The following ELAVL3 variants were observed in gnomAD, a reference collection of about 807,000 sequenced individuals.
The protein encoded by ELAVL3 is ELAV like RNA binding protein 3, also known as ELAV-like protein 3.
ELAVL3 carries 8 observed loss-of-function variants against 34.2 expected under a neutral mutation model. The ratio of observed to expected loss-of-function variants is 0.23; its 90% CI spans 0.14 to 0.42. The LOEUF (loss-of-function observed/expected upper bound fraction) is 0.42, where lower values mean the gene tolerates loss of function less well. ELAVL3 is among the 10% of genes least tolerant of loss of function. The probability of loss-of-function intolerance (pLI) is 1.00; values close to 1 mark genes in which losing one functional copy is unlikely to be tolerated. For missense variants in ELAVL3, 273 were observed against 518.8 expected, an observed-to-expected ratio of 0.53 and a Z score of 4.60; for synonymous variants, 209 against 222.1, an observed-to-expected ratio of 0.94 and a Z score of 0.53.
In ELAVL3 at chr19:11,461,395, G is replaced by A. The variant is rs143041834; in HGVS notation, c.334-2784C>T. On this transcript the variant is annotated intron_variant, in intron 3 of 6. Transcript: ENST00000359227. ...GGGTGACCTGTCACCAGGGACTGGGGAAGAGGCTGGGGCGTGGTCATCAGC... is the reference window on the plus strand; with the variant it reads ...GGGTGACCTGTCACCAGGGACTGGGAAAGAGGCTGGGGCGTGGTCATCAGC... Among the ~76,000 whole-genome samples the A allele has an allele frequency of 2.6e-5, 4 of 152,164 alleles. No individual in the cohort carries two copies. In the East Asian group the frequency reaches 7.7e-4, roughly 29 times the overall value.
chr19:11,467,172 C>T (rs1971071289), intron 1 of ELAVL3, among the ~76,000 whole-genome samples: 1 of 152,158 alleles, frequency 6.6e-6, no homozygotes, highest in South Asian at 2.1e-4. Flanking sequence ...CCCCTAATCT[C>T]AGCACTTTGG....
At position 11,454,736 on chromosome 19, in the gene ELAVL3, G is replaced by A. The variant is rs768770817; in HGVS notation, c.894C>T (p.Ser298=). ...AAGGCCCGAACAGCTGCCACAGCAC[G>A]CTCTCGTCTGCCTCCGGTGACAGGT... is the stretch of plus-strand genomic sequence containing the variant. The part of the protein sequence containing the change: ...VYNLSPEADE[S]VLWQLFGPFG... The change falls in exon 7 of 7, where the codon AGC becomes AGT. Residue 298 remains serine, a synonymous_variant. Transcript: ENST00000359227. The surrounding 1 kb of genome is among the most constrained non-coding windows in gnomAD (Gnocchi z 9.2). 1.5e-5 allele frequency: 24 copies of A among 1,614,152 alleles called. No individual in the cohort carries two copies. The highest frequency in any genetic ancestry group is 8.9e-5 in the East Asian group (4 of 44,878).
chr19:11,472,150 A>G (rs1971176257), intron 1 of ELAVL3, among the ~76,000 whole-genome samples: 1 of 152,038 alleles, frequency 6.6e-6, no homozygotes, highest in South Asian at 2.1e-4. Flanking sequence ...GGAGTTTGAG[A>G]CCAGCCTGGC....
chr19:11,474,440 C>CA (rs967926258), intron 1 of ELAVL3, among the ~76,000 whole-genome samples: 3 of 151,980 alleles, frequency 2.0e-5, no homozygotes, highest in African/African-American at 7.2e-5. Context: ...ACTAAAAATA[C>CA]AAAAAAATTA....
chr19:11,463,774 A>G (rs1442926950), intron 3 of ELAVL3, among the ~76,000 whole-genome samples: 1 of 152,060 alleles, frequency 6.6e-6, no homozygotes, highest in African/African-American at 2.4e-5. Context: ...GTTCAAGACC[A>G]TCCTGACCAA....
At chr19:11,455,550 G>A (rs540810851) in intron 6 of ELAVL3, among the ~76,000 whole-genome samples, 1 of 152,214 alleles carries the variant, frequency 6.6e-6, no homozygotes, top group Non-Finnish European at 1.5e-5. Flanking sequence ...ACCTCCCAAA[G>A]TGCTGGGATT....
chr19:11,457,246 G>A, intron 5 of ELAVL3, 98 bp from the exon 6 acceptor site: 2 of 1,284,946 alleles, frequency 1.6e-6, no homozygotes, highest in Non-Finnish European at 2.1e-6. Flanking sequence ...CAACAGGCCT[G>A]CAGCAGAGCC....
At position 11,466,139 on chromosome 19, in the gene ELAVL3, C is replaced by T. The variant is rs747153991; in HGVS notation, c.333+33G>A. ...GTTGGGGACAGTCAGTTGGGGTGGG[C>T]GGTCATGGGGGATTGGAGAAGGAGG... is the stretch of plus-strand genomic sequence containing the variant. On this transcript the variant is annotated intron_variant, in intron 3 of 6. Coordinates refer to ENST00000359227, the MANE Select transcript of ELAVL3 (RefSeq NM_001420.4). This position sits in a 1 kb window ranked among gnomAD's most constrained non-coding sequence, Gnocchi z 5.0. The T allele has an allele frequency of 3.0e-5, 48 of 1,592,804 alleles. No individual in the cohort carries two copies. In the African/African-American group the frequency reaches 5.7e-4, roughly 19 times the overall value.
intron 1 of ELAVL3, among the ~76,000 whole-genome samples, chr19:11,479,029 C>A (rs72992979): frequency 0.02 from 3,047 of 152,318 alleles, 52 homozygotes; most frequent in African/African-American, 0.046. Context: ...TGCCCCAGGG[C>A]TCGCTCACTG....
At chr19:11,463,362 C>T (rs1014457049) in intron 3 of ELAVL3, among the ~76,000 whole-genome samples, 11 of 152,178 alleles carry the variant, frequency 7.2e-5, no homozygotes, top group Non-Finnish European at 1.6e-4. Context: ...AGACAGAAGG[C>T]CATGCAGTGC....
intron 3 of ELAVL3, among the ~76,000 whole-genome samples, chr19:11,464,149 C>CTATATATA (rs1181111341): frequency 4.1e-5 from 4 of 96,576 alleles, no homozygotes; most frequent in African/African-American, 2.3e-4. Flanking sequence ...CTCTCTCTCT[C>CTATATATA]TCTATATATA....
At chr19:11,479,411 A>T (rs1971325900) in intron 1 of ELAVL3, among the ~76,000 whole-genome samples, 1 of 152,172 alleles carries the variant, frequency 6.6e-6, no homozygotes. Flanking sequence ...GGGCCCGGAA[A>T]GAGACACAAT....
At position 11,474,343 on chromosome 19, in the gene ELAVL3, T is replaced by A. The variant is rs137998589; in HGVS notation, c.9+6257A>T. Among the ~76,000 whole-genome samples, 983 of 152,236 alleles carry A rather than the reference T, an allele frequency of 6.5e-3. 27 individuals carry two copies. Among genetic ancestry groups the A allele is most frequent in the Admixed American group, 0.053 (815 of 15,278 alleles). ...CAGGCACGGTTGCTCACGTCTGTAA[T>A]CCCAGCACTTTGGGAGGCCGAGGCA... On this transcript the variant is annotated intron_variant, in intron 1 of 6. Transcript: ENST00000359227.
In ELAVL3 at chr19:11,454,493, C is replaced by T. The variant is rs568484090; in HGVS notation, c.*33G>A. 6.6e-6 allele frequency: 9 copies of T among 1,357,458 alleles called. No individual in the cohort carries two copies. The highest frequency in any genetic ancestry group is 3.9e-5 in the South Asian group (3 of 76,932). 84.1% of individuals were successfully genotyped at this position (1,357,458 alleles called of 1,614,324 possible). A position where few individuals can be genotyped will look rare whatever the true frequency, so the allele number is the denominator to read the frequency against. ...TTTCTCTCTCTCTCTCTCTGCTGCC[C>T]GGGGAGGGGGTGGGAGGGCAGGCGG... On this transcript the variant is annotated 3_prime_UTR_variant, in exon 7 of 7. Transcript: ENST00000359227. This position sits in a 1 kb window ranked among gnomAD's most constrained non-coding sequence, Gnocchi z 9.2.
rs1389497689 is a variant in ELAVL3 at position 11,451,477 on chromosome 19, T to G, written c.*3049A>C. On this transcript the variant is annotated 3_prime_UTR_variant, in exon 7 of 7. Coordinates refer to ENST00000359227, the MANE Select transcript of ELAVL3 (RefSeq NM_001420.4). ...GTTCTTGTTGGGTTTTTTTTTTTTT[T>G]TTGTCTTTTGTTTTGTCTTTTTTTT... 10 of 150,884 alleles carry G rather than the reference T, an allele frequency of 6.6e-5. No homozygotes were observed. The highest frequency in any genetic ancestry group is 5.3e-4 in the Admixed American group (8 of 15,210). The allele number at this position is 150,884 out of a possible 1,614,324, so 9.3% of individuals were successfully genotyped here.
chr19:11,465,008 C>T (rs1971004042), intron 3 of ELAVL3, among the ~76,000 whole-genome samples: 1 of 120,754 alleles, frequency 8.3e-6, no homozygotes, highest in African/African-American at 3.4e-5. Flanking sequence ...ACCACACACA[C>T]ATACATACAC....
In ELAVL3 at chr19:11,466,346, G is replaced by A; in HGVS notation, c.230-71C>T. On this transcript the variant is annotated intron_variant, in intron 2 of 6. Transcript: ENST00000359227. The surrounding 1 kb of genome is among the most constrained non-coding windows in gnomAD (Gnocchi z 5.0). ...CCTGCCAGTGTCCCACCTCAGGCCT[G>A]AGAGACTGTCCCCTCCCCACCAAGT... The A allele has an allele frequency of 7.0e-7, 1 of 1,425,990 alleles. No individual in the cohort carries two copies. Among genetic ancestry groups the A allele is most frequent in the Non-Finnish European group, 9.9e-7 (1 of 1,012,316 alleles). The allele number at this position is 1,425,990 out of a possible 1,614,324, so 88.3% of individuals were successfully genotyped here.
chr19:11,477,715 T>TG (rs1358148090), intron 1 of ELAVL3, among the ~76,000 whole-genome samples: 1 of 146,112 alleles, frequency 6.8e-6, no homozygotes, highest in African/African-American at 2.6e-5. Flanking sequence ...TTTTTTGAGA[T>TG]GGAGTCTTGC....
chr19:11,470,662 G>A (rs1250440694), intron 1 of ELAVL3, among the ~76,000 whole-genome samples: 1 of 152,018 alleles, frequency 6.6e-6, no homozygotes, highest in African/African-American at 2.4e-5. Context: ...GGCAACAAGA[G>A]CGAAACTCCA....
Sources: gnomAD v4.1 joint callset for allele counts (sites outside exome capture counted in the v4.1 genomes callset) on GRCh38, gnomAD v4.1.1 for gene constraint, Gnocchi (gnomAD v3.1) non-coding constraint, MANE v1.5 for transcripts, NCBI Gene and HGNC (gene_info 2026-07-23, HGNC 2026-07-21) for gene names.